SYNRG: variants seen among roughly 807,000 people sequenced by gnomAD.
SYNRG encodes the protein synergin gamma, also known as AP1 gamma subunit binding protein 1.
Under a neutral mutation model 130.9 loss-of-function variants are expected in SYNRG, and 37 were observed. The observed-to-expected ratio is 0.28, with a 90% CI of 0.22 to 0.37. The LOEUF is 0.37. Ranked by LOEUF, SYNRG falls within the 10% of genes least tolerant of loss-of-function variation. SYNRG has a pLI of 1.00. For synonymous variants in SYNRG, 539 were observed against 568.1 expected, an observed-to-expected ratio of 0.95 and a Z score of 0.73; for missense variants, 1,338 against 1,588.9, an observed-to-expected ratio of 0.84 and a Z score of 2.68.
In SYNRG at chr17:37,520,215, C is replaced by A. The variant is rs1255443038; in HGVS notation, c.3778-1G>T. 13 of 1,614,200 alleles carry A rather than the reference C, an allele frequency of 8.1e-6. No homozygotes were observed. In the South Asian group the frequency reaches 1.4e-4, roughly 18 times the overall value. On this transcript the variant is annotated splice_acceptor_variant, in intron 20 of 21. Transcript: ENST00000612223. LOFTEE classifies it high-confidence loss of function. ...GTTCTTCTGCAGGCTTCTCTTCTTT[C>A]TGAAATAACGTTGAAACCACAGGTC...
At chr17:37,562,980 T>C (rs1174877137) in intron 11 of SYNRG, among the ~76,000 whole-genome samples, 2 of 152,128 alleles carry the variant, frequency 1.3e-5, no homozygotes, top group Non-Finnish European at 1.5e-5. Flanking sequence ...TAAAATTATA[T>C]TCACAGAATT....
intron 16 of SYNRG, 39 bp downstream of exon 16, chr17:37,540,341 G>C (rs2057627291): frequency 2.5e-6 from 4 of 1,603,154 alleles, no homozygotes; most frequent in Non-Finnish European, 3.4e-6. Context: ...TGTGCTTGCT[G>C]GTCTGTTACC....
chr17:37,606,365 T>C (rs1448153651), intron 1 of SYNRG, among the ~76,000 whole-genome samples: 1 of 152,236 alleles, frequency 6.6e-6, no homozygotes, highest in Non-Finnish European at 1.5e-5. Flanking sequence ...AAAAATGTGC[T>C]AGAAGCAGTG....
intron 13 of SYNRG, among the ~76,000 whole-genome samples, chr17:37,556,235 A>C (rs2059112601): frequency 6.6e-6 from 1 of 152,096 alleles, no homozygotes; most frequent in Non-Finnish European, 1.5e-5. Context: ...GGGTCACCTG[A>C]GGTCTGGAGT....
chr17:37,594,145 G>A (rs1299518507), intron 3 of SYNRG, among the ~76,000 whole-genome samples: 1 of 147,006 alleles, frequency 6.8e-6, no homozygotes, highest in East Asian at 2.0e-4. Flanking sequence ...ATAAAATAAT[G>A]TTTATGAATA....
chr17:37,565,147 C>T (rs542798806), intron 11 of SYNRG, among the ~76,000 whole-genome samples: 2 of 152,166 alleles, frequency 1.3e-5, no homozygotes, highest in South Asian at 4.1e-4. Context: ...GCCTGTAGTC[C>T]CAGCTACTAG....
intron 1 of SYNRG, among the ~76,000 whole-genome samples, chr17:37,607,955 C>CAAAAAAAAAAAAAAAAAAAAAA (rs67822733): frequency 2.0e-5 from 1 of 51,122 alleles, no homozygotes; most frequent in Non-Finnish European, 4.4e-5. Flanking sequence ...GACTTCCTCT[C>CAAAAAAAAAAAAAAAAAAAAAA]AAAAAAAAAA....
intron 18 of SYNRG, chr17:37,537,262 C>A (rs2057282631): frequency 6.6e-6 from 1 of 152,266 alleles, no homozygotes; most frequent in Non-Finnish European, 1.5e-5. Flanking sequence ...GTTGGGGACA[C>A]ACCAGTGAAC....
rs766731712 is a variant in SYNRG, at chr17:37,570,834, G to T, written c.1150C>A (p.Pro384Thr). The T allele has an allele frequency of 6.2e-7, 1 of 1,614,208 alleles. No homozygotes were observed. ...GAAAAGCCACTTAAAGTTGGAATAG[G>T]AGCTGCTGGGAACTGGTTTAAAGCA... ...PDALNQFPAA[P>T]IPTLSGFSMT... Residue 384 changes from proline to threonine, a missense_variant, in exon 10 of 22, where the codon CCT becomes ACT. By Grantham distance (38) the Pro-to-Thr change is conservative (BLOSUM62 -1). Transcript: ENST00000612223.
chr17:37,580,593 G>A (rs1422701662), intron 6 of SYNRG, among the ~76,000 whole-genome samples: 2 of 151,760 alleles, frequency 1.3e-5, no homozygotes, highest in East Asian at 3.9e-4. Flanking sequence ...TGAGTGCAGT[G>A]GCGCGATCTC....
At chr17:37,546,475 G>C (rs777471835) in intron 14 of SYNRG, among the ~76,000 whole-genome samples, 3 of 152,124 alleles carry the variant, frequency 2.0e-5, no homozygotes, top group African/African-American at 4.8e-5. Context: ...AAATGTATAC[G>C]ATCTGTTTTC....
At chr17:37,596,450 G>A in intron 2 of SYNRG, 106 bp from the exon 3 acceptor site, 6 of 1,283,716 alleles carry the variant, frequency 4.7e-6, no homozygotes, top group Non-Finnish European at 6.4e-6. Flanking sequence ...AGAGTGTAAT[G>A]GAAAAAGCAC....
intron 13 of SYNRG, among the ~76,000 whole-genome samples, chr17:37,559,213 C>T (rs1366190053): frequency 6.6e-6 from 1 of 152,178 alleles, no homozygotes; most frequent in East Asian, 1.9e-4. Context: ...TACTGTAATA[C>T]ACCTCTGTGA....
intron 7 of SYNRG, among the ~76,000 whole-genome samples, chr17:37,577,056 C>A (rs577327058): frequency 2.0e-4 from 30 of 151,956 alleles, no homozygotes; most frequent in East Asian, 3.9e-4. Flanking sequence ...AACTTTTCAA[C>A]CTTTATGGAA....
chr17:37,552,380 C>A (rs1183687836), intron 14 of SYNRG, among the ~76,000 whole-genome samples: 1 of 152,122 alleles, frequency 6.6e-6, no homozygotes, highest in African/African-American at 2.4e-5. Context: ...TAAATCTACA[C>A]AGAATTTAAA....
chr17:37,556,873 C>T (rs528737915), intron 13 of SYNRG, among the ~76,000 whole-genome samples: 1 of 152,210 alleles, frequency 6.6e-6, no homozygotes, highest in East Asian at 1.9e-4. Flanking sequence ...TAATGTGTTG[C>T]TTTGAAATAT....
chr17:37,598,971 G>A (rs942970912), intron 2 of SYNRG, among the ~76,000 whole-genome samples: 2 of 152,142 alleles, frequency 1.3e-5, no homozygotes, highest in Non-Finnish European at 2.9e-5. Flanking sequence ...ATGTGAACAC[G>A]ATGAAAAGAA....
chr17:37,577,631 A>T lies in SYNRG; in HGVS notation c.590-18T>A. Reference sequence around the variant, plus strand: ...GGAAGGGCCTAAACAAAGAGCATGAAGGATTATTTGTATATAACTGTATAT... The same window carrying T: ...GGAAGGGCCTAAACAAAGAGCATGATGGATTATTTGTATATAACTGTATAT... On this transcript the variant is annotated intron_variant, in intron 6 of 21. Coordinates refer to ENST00000612223, the MANE Select transcript of SYNRG (RefSeq NM_007247.6). 6.3e-7 allele frequency: 1 copy of T among 1,589,242 alleles called. No homozygotes were observed. The highest frequency in any genetic ancestry group is 8.6e-7 in the Non-Finnish European group (1 of 1,158,396).
At chr17:37,591,748 T>G (rs1209609616) in intron 3 of SYNRG, among the ~76,000 whole-genome samples, 1 of 152,172 alleles carries the variant, frequency 6.6e-6, no homozygotes, top group African/African-American at 2.4e-5. Context: ...CACACTTGCA[T>G]AGGTAAAAAG....
Sources: allele counts gnomAD v4.1 joint callset (sites outside exome capture counted in the v4.1 genomes callset), GRCh38; gene constraint gnomAD v4.1.1; transcripts MANE v1.5; gene names NCBI Gene and HGNC (gene_info 2026-07-23, HGNC 2026-07-21).